The following SLC36A4 variants were observed in gnomAD, a reference collection of about 807,000 sequenced individuals.
SLC36A4 encodes solute carrier family 36 member 4.
SLC36A4 carries 49 observed loss-of-function variants against 50.5 expected under a neutral mutation model. That is an observed-to-expected ratio of 0.97 (90% CI 0.77 to 1.23). The LOEUF (loss-of-function observed/expected upper bound fraction) is 1.23, where lower values mean the gene tolerates loss of function less well. Ranked by LOEUF, SLC36A4 falls within the 50% of genes most tolerant of loss-of-function variation. The pLI, the probability that SLC36A4 is intolerant of heterozygous loss-of-function variation, is 0.00. For synonymous variants in SLC36A4, 207 were observed against 206.5 expected (o/e 1.00, Z -0.02); for missense variants, 611 against 608.4 (o/e 1.00, Z -0.05).
At position 93,147,176 on chromosome 11, in the gene SLC36A4, G is replaced by A. The variant is rs920079909; in HGVS notation, c.*1361C>T. 1.3e-5 allele frequency: 2 copies of A among 151,806 alleles called. No individual in the cohort carries two copies. Among genetic ancestry groups the A allele is most frequent in the African/African-American group, 4.8e-5 (2 of 41,328 alleles). 9.4% of individuals were successfully genotyped at this position (151,806 alleles called of 1,614,324 possible). A position where few individuals can be genotyped will look rare whatever the true frequency, so the allele number is the denominator to read the frequency against. On this transcript the variant is annotated 3_prime_UTR_variant, in exon 11 of 11. Coordinates refer to ENST00000326402, the MANE Select transcript of SLC36A4 (RefSeq NM_152313.4). ...AAATTTTTATGTTTTATAGAGTCGA[G>A]GTCTCACTATGCTGCCCAGGCTGGT...
intron 6 of SLC36A4, among the ~76,000 whole-genome samples, chr11:93,178,080 C>T (rs1861570589): frequency 1.3e-5 from 2 of 152,190 alleles, no homozygotes; most frequent in Non-Finnish European, 2.9e-5. Flanking sequence ...TGGCGGACGC[C>T]CCTCCACCAG....
Position 93,168,167 on chromosome 11 carries a change from T to C in SLC36A4, c.545A>G (p.His182Arg), listed in dbSNP as rs774810348. ...VFLAENVKQV[H>R]EGFLESKVFI... Reference sequence around the variant, plus strand: ...CACTTTACTCTCCAGGAATCCTTCATGAACCTACATAGGATTACCAGGAGA... The same window carrying C: ...CACTTTACTCTCCAGGAATCCTTCACGAACCTACATAGGATTACCAGGAGA... Residue 182 changes from histidine (H) to arginine (R), a missense_variant, in exon 7 of 11, where the codon CAT becomes CGT. His to Arg is a conservative substitution (Grantham distance 29). Coordinates refer to ENST00000326402, the MANE Select transcript of SLC36A4 (RefSeq NM_152313.4). 3.8e-6 allele frequency: 6 copies of C among 1,595,584 alleles called. No individual in the cohort carries two copies. In the South Asian group the frequency reaches 5.6e-5, roughly 15 times the overall value.
chr11:93,162,739 C>T lies in SLC36A4; in HGVS notation c.1004G>A (p.Gly335Asp). 3 of 1,612,154 alleles carry T rather than the reference C, an allele frequency of 1.9e-6. No individual in the cohort carries two copies. The highest frequency in any genetic ancestry group is 2.5e-6 in the Non-Finnish European group (3 of 1,179,368). The change falls in exon 9 of 11, where the codon GGC (glycine) becomes GAC (aspartate). Residue 335 changes from glycine to aspartate, a missense_variant. Transcript: ENST00000326402. Reference protein sequence around the residue: ...GYMCFHDEIKGSITLNLPQDV... With the variant: ...GYMCFHDEIKDSITLNLPQDV... Reference sequence around the variant, plus strand: ...TTGGGGAAGATTTAAAGTTATGCTGCCTTTGATTTCATCATGGAAACACAT... The same window carrying T: ...TTGGGGAAGATTTAAAGTTATGCTGTCTTTGATTTCATCATGGAAACACAT...
chr11:93,156,332 G>C (rs1302553655), intron 9 of SLC36A4, among the ~76,000 whole-genome samples: 1 of 152,032 alleles, frequency 6.6e-6, no homozygotes, highest in African/African-American at 2.4e-5. Flanking sequence ...CTAATGATCA[G>C]TAATGTTGAG....
chr11:93,157,648 T>G (rs933269834), intron 9 of SLC36A4, among the ~76,000 whole-genome samples: 4 of 152,178 alleles, frequency 2.6e-5, no homozygotes, highest in African/African-American at 9.6e-5. Context: ...AATTGCCACA[T>G]AAAGATTTGG....
At chr11:93,165,228 A>G (rs1444994817) in intron 8 of SLC36A4, among the ~76,000 whole-genome samples, 2 of 152,174 alleles carry the variant, frequency 1.3e-5, no homozygotes, top group Non-Finnish European at 2.9e-5. Context: ...TCATCAGACT[A>G]TGAAACATAA....
chr11:93,194,275 T>C (rs750610821), intron 1 of SLC36A4, among the ~76,000 whole-genome samples: 29 of 152,084 alleles, frequency 1.9e-4, no homozygotes, highest in Non-Finnish European at 3.1e-4. Flanking sequence ...ATTACTTTTA[T>C]AATAAAATTT....
Position 93,148,077 on chromosome 11 carries a change from T to C in SLC36A4, c.*460A>G, listed in dbSNP as rs1454461526. The stretch of plus-strand genomic sequence containing the variant: ...AAAAACATAACTGAGATTTTTTTTT[T>C]TTACACTGTACATAAAGTTTACTTT... On this transcript the variant is annotated 3_prime_UTR_variant, in exon 11 of 11. Coordinates refer to ENST00000326402, the MANE Select transcript of SLC36A4 (RefSeq NM_152313.4). 6.6e-6 allele frequency: 1 copy of C among 152,198 alleles called. No homozygotes were observed. Among genetic ancestry groups the C allele is most frequent in the Admixed American group, 6.6e-5 (1 of 15,226 alleles). 9.4% of individuals were successfully genotyped at this position (152,198 alleles called of 1,614,324 possible). A position where few individuals can be genotyped will look rare whatever the true frequency, so the allele number is the denominator to read the frequency against.
In SLC36A4 at chr11:93,146,857, A is replaced by G. The variant is rs1282328733; in HGVS notation, c.*1680T>C. 8 of 152,134 alleles carry G rather than the reference A, an allele frequency of 5.3e-5. No individual in the cohort carries two copies. Among genetic ancestry groups the G allele is most frequent in the African/African-American group, 1.7e-4 (7 of 41,450 alleles). 9.4% of individuals were successfully genotyped at this position (152,134 alleles called of 1,614,324 possible). A position where few individuals can be genotyped will look rare whatever the true frequency, so the allele number is the denominator to read the frequency against. On this transcript the variant is annotated 3_prime_UTR_variant, in exon 11 of 11. Transcript: ENST00000326402. The stretch of plus-strand genomic sequence containing the variant: ...TATCTTGGTTAATAACTTGAAAAAT[A>G]TGGAATAATTAGAAGTTATTTGTCT...
chr11:93,192,745 G>A (rs139469885), intron 1 of SLC36A4, among the ~76,000 whole-genome samples: 8 of 152,188 alleles, frequency 5.3e-5, no homozygotes, highest in South Asian at 2.1e-4. Flanking sequence ...CGTTTCAAGC[G>A]CTCAATAACC....
chr11:93,187,281 C>G (rs902633808), intron 1 of SLC36A4, among the ~76,000 whole-genome samples: 1 of 152,134 alleles, frequency 6.6e-6, no homozygotes, highest in Non-Finnish European at 1.5e-5. Context: ...AGTCTAGTAA[C>G]TTTACTACAT....
At chr11:93,167,366 A>C (rs1176183864) in intron 7 of SLC36A4, 1 of 152,108 alleles carries the variant, frequency 6.6e-6, no homozygotes, top group Non-Finnish European at 1.5e-5. Context: ...AGAAATACTA[A>C]ATCTTGCAAA....
chr11:93,180,647 G>A, intron 6 of SLC36A4, 150 bp downstream of exon 6: 1 of 691,592 alleles, frequency 1.4e-6, no homozygotes. Context: ...CAACTTGCAA[G>A]AAAAAAGACT....
At chr11:93,170,726 G>T (rs1311829224) in intron 6 of SLC36A4, among the ~76,000 whole-genome samples, 1 of 151,950 alleles carries the variant, frequency 6.6e-6, no homozygotes, top group Admixed American at 6.6e-5. Flanking sequence ...GAGTATCTTA[G>T]AGTAAGAACA....
chr11:93,151,395 C>T (rs1860081410), intron 10 of SLC36A4, among the ~76,000 whole-genome samples: 1 of 151,906 alleles, frequency 6.6e-6, no homozygotes, highest in African/African-American at 2.4e-5. Context: ...AAATAAAAGC[C>T]TATTTAGGTC....
chr11:93,180,220 T>C, intron 6 of SLC36A4: 1 of 984,754 alleles, frequency 1.0e-6, no homozygotes, highest in Non-Finnish European at 1.2e-6. Context: ...GATGGAGGGA[T>C]TTTTTATTTC....
chr11:93,166,341 C>CA (rs1860864389), intron 7 of SLC36A4: 1 of 1,042,928 alleles, frequency 9.6e-7, no homozygotes, highest in South Asian at 3.8e-5. Flanking sequence ...TAAGCACACT[C>CA]AAGGCCTAAG....
At chr11:93,154,813 C>T (rs1340147139) in intron 9 of SLC36A4, 1 of 152,116 alleles carries the variant, frequency 6.6e-6, no homozygotes, top group Non-Finnish European at 1.5e-5. Flanking sequence ...CTCTAAATTA[C>T]ACATACAATC....
intron 6 of SLC36A4, among the ~76,000 whole-genome samples, chr11:93,175,381 A>G (rs1462348337): frequency 2.4e-4 from 35 of 148,934 alleles, no homozygotes; most frequent in Non-Finnish European, 4.4e-4. Flanking sequence ...AATTTTGTTG[A>G]TCCTTTCAAA....
Sources: allele counts gnomAD v4.1 joint callset (sites outside exome capture counted in the v4.1 genomes callset), GRCh38; gene constraint gnomAD v4.1.1; transcripts MANE v1.5; gene names NCBI Gene and HGNC (gene_info 2026-07-23, HGNC 2026-07-21).